Variants in BNC2 observed in about 807,000 individuals in gnomAD.
The protein encoded by BNC2 is basonuclin zinc finger protein 2.
BNC2 carries 20 observed loss-of-function variants against 76.3 expected under a neutral mutation model. That is an observed-to-expected ratio of 0.26 (90% CI 0.18 to 0.38). The LOEUF (loss-of-function observed/expected upper bound fraction) is 0.38, where lower values mean the gene tolerates loss of function less well. Ranked by LOEUF, BNC2 falls within the 10% of genes least tolerant of loss-of-function variation. The pLI is 1.00. For synonymous variants in BNC2, 582 were observed against 514.8 expected (o/e 1.13, Z -1.77); for missense variants, 1,382 against 1,399.8 (o/e 0.99, Z 0.20).
Position 16,821,342 on chromosome 9 carries a change from C to G in BNC2, c.3+49304G>C, listed in dbSNP as rs558173492. On this transcript the variant is annotated intron_variant, in intron 1 of 6. Coordinates refer to ENST00000380672, the MANE Select transcript of BNC2 (RefSeq NM_017637.6). Reference sequence around the variant, plus strand: ...GAAATTTTGATATTACTTTTATACTCTAGATCCTGTTGTTCTTGGAGTGGC... The same window carrying G: ...GAAATTTTGATATTACTTTTATACTGTAGATCCTGTTGTTCTTGGAGTGGC... 1.2e-3 allele frequency among the ~76,000 whole-genome samples: 176 copies of G among 152,132 alleles called. 1 individual carries two copies. The highest frequency in any genetic ancestry group is 1.2e-3 in the Non-Finnish European group (81 of 67,994).
intron 3 of BNC2, among the ~76,000 whole-genome samples, chr9:16,663,224 G>A (rs775684332): frequency 7.0e-4 from 103 of 147,448 alleles, no homozygotes; most frequent in Non-Finnish European, 1.3e-3. Flanking sequence ...CCACCTCCCG[G>A]GTTCAAGCCA....
At chr9:16,428,780 A>G (rs968541233) in intron 6 of BNC2, among the ~76,000 whole-genome samples, 4 of 152,004 alleles carry the variant, frequency 2.6e-5, no homozygotes, top group Non-Finnish European at 4.4e-5. Flanking sequence ...TAAACTCTAT[A>G]AAGTACTAGA....
chr9:16,519,730 G>C lies in BNC2; in HGVS notation c.669+32800C>G, dbSNP rs147449837. ...GTTTTTTCTACAACCCTGTAAGGTA[G>C]ACATTATCATTTCTATTTCACAGAA... On this transcript the variant is annotated intron_variant, in intron 5 of 6. Transcript: ENST00000380672. Among the ~76,000 whole-genome samples the C allele has an allele frequency of 3.3e-5, 5 of 152,330 alleles. No homozygotes were observed. The East Asian group carries it at 7.7e-4, about 23-fold the overall frequency.
rs1820538022 is a variant in BNC2 at position 16,414,327 on chromosome 9, C to A, written c.*4662G>T. 6.6e-6 allele frequency: 1 copy of A among 152,230 alleles called. No individual in the cohort carries two copies. Among genetic ancestry groups the A allele is most frequent in the South Asian group, 2.1e-4 (1 of 4,826 alleles). The allele number at this position is 152,230 out of a possible 1,614,324, so 9.4% of individuals were successfully genotyped here. A position where few individuals can be genotyped will look rare whatever the true frequency, so the allele number is the denominator to read the frequency against. ...ACCCCAAAACCAGGGCAGGAACCGA[C>A]CCTCTACTTAGTTCTGATGAAAACA... On this transcript the variant is annotated 3_prime_UTR_variant, in exon 7 of 7. Transcript: ENST00000380672.
chr9:16,709,162 T>C (rs1381257784), intron 3 of BNC2, among the ~76,000 whole-genome samples: 2 of 151,552 alleles, frequency 1.3e-5, no homozygotes, highest in Non-Finnish European at 2.9e-5. Context: ...TTGGTGGGGG[T>C]GGCAGCAAGG....
rs1818702067 is a variant in BNC2 at position 16,552,669 on chromosome 9, T to C, written c.530A>G (p.Tyr177Cys). 1.2e-6 allele frequency: 2 copies of C among 1,614,056 alleles called. No individual in the cohort carries two copies. Among genetic ancestry groups the C allele is most frequent in the African/African-American group, 1.3e-5 (1 of 74,930 alleles). The stretch of plus-strand genomic sequence containing the variant: ...CCGCACAGGCACTGCTTGTGTCCCA[T>C]AGAGCATCAGGCTGCTGATGTCAAA... The part of the protein sequence containing the change: ...VVFDISSLML[Y>C]GTQAVPVRLK... Residue 177 changes from tyrosine (Y) to cysteine (C), a missense_variant, in exon 5 of 7, where the codon TAT becomes TGT. Transcript: ENST00000380672.
chr9:16,717,108 T>C (rs1000854920), intron 3 of BNC2, among the ~76,000 whole-genome samples: 5 of 152,196 alleles, frequency 3.3e-5, no homozygotes, highest in Admixed American at 2.0e-4. Flanking sequence ...TCCATTATGA[T>C]TGAAATGTGA....
At chr9:16,457,971 T>C (rs1222770986) in intron 5 of BNC2, among the ~76,000 whole-genome samples, 1 of 152,222 alleles carries the variant, frequency 6.6e-6, no homozygotes, top group Non-Finnish European at 1.5e-5. Flanking sequence ...CTAGGTGGCC[T>C]TAAGCTCAGT....
intron 3 of BNC2, among the ~76,000 whole-genome samples, chr9:16,657,721 T>C (rs1821970281): frequency 6.8e-6 from 1 of 148,138 alleles, no homozygotes; most frequent in Non-Finnish European, 1.5e-5. Flanking sequence ...TGGAATAATG[T>C]GCAGACTCTT....
At chr9:16,510,935 T>A (rs1272211610) in intron 5 of BNC2, among the ~76,000 whole-genome samples, 1 of 152,060 alleles carries the variant, frequency 6.6e-6, no homozygotes, top group African/African-American at 2.4e-5. Flanking sequence ...AATATGCAAT[T>A]CTCATTGAAA....
chr9:16,782,275 CTCTG>C (rs1826175159), intron 1 of BNC2, among the ~76,000 whole-genome samples: 1 of 151,564 alleles, frequency 6.6e-6, no homozygotes, highest in Non-Finnish European at 1.5e-5. Flanking sequence ...CAGAGCAAGA[CTCTG>C]TCTCAAAAAA....
At chr9:16,452,240 G>T (rs1170981424) in intron 5 of BNC2, among the ~76,000 whole-genome samples, 1 of 151,990 alleles carries the variant, frequency 6.6e-6, no homozygotes, top group South Asian at 2.1e-4. Flanking sequence ...AATGCTTTTG[G>T]GAATGAGATT....
At chr9:16,860,758 C>G (rs1744702320) in intron 1 of BNC2, among the ~76,000 whole-genome samples, 1 of 152,052 alleles carries the variant, frequency 6.6e-6, no homozygotes, top group Non-Finnish European at 1.5e-5. Flanking sequence ...AAAAGACAGC[C>G]GGGGCTGGGC....
chr9:16,755,352 C>T (rs1288462140), intron 1 of BNC2, among the ~76,000 whole-genome samples: 1 of 152,038 alleles, frequency 6.6e-6, no homozygotes, highest in African/African-American at 2.4e-5. Context: ...GACACCACCT[C>T]AGAACATACC....
In BNC2 at chr9:16,831,935, G is replaced by T. The variant is rs187531820; in HGVS notation, c.3+38711C>A. Reference sequence around the variant, plus strand: ...TTGCACTCCTATCAACCAAGATCTAGGAAACTTTGAAGAGTTTACCCATAA... The same window carrying T: ...TTGCACTCCTATCAACCAAGATCTATGAAACTTTGAAGAGTTTACCCATAA... On this transcript the variant is annotated intron_variant, in intron 1 of 6. Transcript: ENST00000380672. 9.9e-4 allele frequency among the ~76,000 whole-genome samples: 151 copies of T among 152,218 alleles called. 1 individual carries two copies. Among genetic ancestry groups the T allele is most frequent in the African/African-American group, 3.5e-3 (145 of 41,552 alleles).
At chr9:16,706,345 T>C (rs1012632140) in intron 3 of BNC2, among the ~76,000 whole-genome samples, 4 of 152,338 alleles carry the variant, frequency 2.6e-5, no homozygotes, top group South Asian at 2.1e-4. Flanking sequence ...TTCTCTACTG[T>C]AGTCATAGGC....
chr9:16,432,119 A>AC (rs1237058092), intron 6 of BNC2, among the ~76,000 whole-genome samples: 1 of 152,178 alleles, frequency 6.6e-6, no homozygotes, highest in Non-Finnish European at 1.5e-5. Flanking sequence ...GATGAATCAG[A>AC]TTTTGTGTGT....
chr9:16,857,171 G>A (rs932830248), intron 1 of BNC2, among the ~76,000 whole-genome samples: 3 of 152,024 alleles, frequency 2.0e-5, no homozygotes, highest in African/African-American at 7.2e-5. Context: ...AATTTTTACT[G>A]TAACAATTTT....
intron 6 of BNC2, 28 bp downstream of exon 6, chr9:16,435,527 C>G: frequency 6.2e-7 from 1 of 1,612,712 alleles, no homozygotes; most frequent in Non-Finnish European, 8.5e-7. Context: ...CCACCCCCAG[C>G]AGGAGCAGCC....
Sources: allele counts gnomAD v4.1 joint callset (sites outside exome capture counted in the v4.1 genomes callset), GRCh38; gene constraint gnomAD v4.1.1; transcripts MANE v1.5; gene names NCBI Gene and HGNC (gene_info 2026-07-23, HGNC 2026-07-21).